Variants in COL4A1 observed in about 807,000 individuals in gnomAD.
The protein encoded by COL4A1 is collagen alpha-1(IV) chain.
COL4A1 carries 40 observed loss-of-function variants against 216.6 expected under a neutral mutation model. The observed-to-expected ratio is 0.18, with a 90% CI of 0.14 to 0.24. The LOEUF is 0.24. Ranked by LOEUF, COL4A1 falls within the 10% of genes least tolerant of loss-of-function variation. The pLI is 1.00. For missense variants in COL4A1, 1,628 were observed against 2,196.8 expected, an observed-to-expected ratio of 0.74 and a Z score of 5.18; for synonymous variants, 839 against 810.7, an observed-to-expected ratio of 1.03 and a Z score of -0.59.
At chr13:110,228,081 C>T (rs1239455079) in intron 2 of COL4A1, among the ~76,000 whole-genome samples, 1 of 152,194 alleles carries the variant, frequency 6.6e-6, no homozygotes, top group Non-Finnish European at 1.5e-5. Context: ...CAGGGACATA[C>T]ACGCGCCTTA....
At chr13:110,289,316 G>A (rs1343452424) in intron 1 of COL4A1, among the ~76,000 whole-genome samples, 2 of 152,130 alleles carry the variant, frequency 1.3e-5, no homozygotes, top group African/African-American at 2.4e-5. Context: ...CCACTGCCGC[G>A]ACCAAGAGGA....
chr13:110,250,152 C>T (rs1882007716), intron 1 of COL4A1, among the ~76,000 whole-genome samples: 1 of 148,380 alleles, frequency 6.7e-6, no homozygotes, highest in Non-Finnish European at 1.5e-5. Flanking sequence ...TTTAGAGTTA[C>T]ACAATATTTC....
At chr13:110,222,836 AT>A (rs1880569295) in intron 2 of COL4A1, among the ~76,000 whole-genome samples, 1 of 151,444 alleles carries the variant, frequency 6.6e-6, no homozygotes, top group Non-Finnish European at 1.5e-5. Context: ...TTGTAGTAAT[AT>A]ATTACTATTA....
chr13:110,201,367 G>A lies in COL4A1; in HGVS notation c.1084+71C>T, dbSNP rs776550703. On this transcript the variant is annotated intron_variant, in intron 19 of 51. Transcript: ENST00000375820. ...ACAGGAGGAGGAGGAGGAAGAGGAC[G>A]AGGAGGAGGAAGAGGAGGAGGAGAG... 3.5e-5 allele frequency: 37 copies of A among 1,060,370 alleles called. No homozygotes were observed. In the Admixed American group the frequency reaches 3.9e-4, roughly 11 times the overall value. 65.7% of individuals were successfully genotyped at this position (1,060,370 alleles called of 1,614,324 possible). A position where few individuals can be genotyped will look rare whatever the true frequency, so the allele number is the denominator to read the frequency against.
intron 1 of COL4A1, among the ~76,000 whole-genome samples, chr13:110,275,727 G>A (rs1883402677): frequency 6.6e-6 from 1 of 152,138 alleles, no homozygotes; most frequent in East Asian, 1.9e-4. Flanking sequence ...AAATAAATGA[G>A]CTATCAAGAC....
rs1158818898 is a variant in COL4A1 at position 110,268,085 on chromosome 13, GGAGGAAAGTTTGACA to G, written c.85-25366_85-25352del. ...ACAAAGCTCATGACATTTGACTCCA[GGAGGAAAGTTTGACA>G]GACTGCTGTTAAGCACCTACAGTAT... On this transcript the variant is annotated intron_variant, in intron 1 of 51. Coordinates refer to ENST00000375820, the MANE Select transcript of COL4A1 (RefSeq NM_001845.6). This position sits in a 1 kb window ranked among gnomAD's most constrained non-coding sequence, Gnocchi z 4.1. Among the ~76,000 whole-genome samples the G allele has an allele frequency of 6.6e-6, 1 of 152,162 alleles. No individual in the cohort carries two copies. The highest frequency in any genetic ancestry group is 6.5e-5 in the Admixed American group (1 of 15,286).
chr13:110,201,375 G>A (rs748300978), intron 19 of COL4A1, 63 bp downstream of exon 19: 2 of 1,195,980 alleles, frequency 1.7e-6, no homozygotes, highest in South Asian at 1.2e-5. Context: ...ACGAGGAGGA[G>A]GAAGAGGAGG....
At chr13:110,178,021 T>C in intron 32 of COL4A1, 43 bp downstream of exon 32, 3 of 1,614,142 alleles carry the variant, frequency 1.9e-6, no homozygotes, top group Non-Finnish European at 2.5e-6. Context: ...GTGAGGCCCA[T>C]GTCTTCATGA....
At chr13:110,185,149 TA>T (rs1246853175) in intron 26 of COL4A1, among the ~76,000 whole-genome samples, 2 of 152,148 alleles carry the variant, frequency 1.3e-5, no homozygotes, top group African/African-American at 4.8e-5. Context: ...TTTATTTATT[TA>T]TTTATTTATT....
chr13:110,244,722 C>A (rs1291731045), intron 1 of COL4A1, among the ~76,000 whole-genome samples: 1 of 152,138 alleles, frequency 6.6e-6, no homozygotes, highest in Non-Finnish European at 1.5e-5. Flanking sequence ...TGTGTCTCCC[C>A]GGTACACCCT....
chr13:110,264,747 C>T lies in COL4A1; in HGVS notation c.85-22013G>A, dbSNP rs1722961241. 3.3e-5 allele frequency among the ~76,000 whole-genome samples: 5 copies of T among 152,296 alleles called. 1 individual carries two copies. The South Asian group carries it at 1.0e-3, about 32-fold the overall frequency. The stretch of plus-strand genomic sequence containing the variant: ...CTCCTCCTTCCCCGTCTCTTTCTTT[C>T]TCCCTCTCTTTTTCTCCTCTTTCCT... On this transcript the variant is annotated intron_variant, in intron 1 of 51. Coordinates refer to ENST00000375820, the MANE Select transcript of COL4A1 (RefSeq NM_001845.6).
rs968106620 is a variant in COL4A1 at position 110,170,710 on chromosome 13, G to A, written c.3579C>T (p.Phe1193=). 3 of 1,614,098 alleles carry A rather than the reference G, an allele frequency of 1.9e-6. No individual in the cohort carries two copies. Among genetic ancestry groups the A allele is most frequent in the Non-Finnish European group, 2.5e-6 (3 of 1,180,054 alleles). Residue 1193 remains phenylalanine (F), a synonymous_variant, in exon 42 of 52, where the codon TTC becomes TTT. Coordinates refer to ENST00000375820, the MANE Select transcript of COL4A1 (RefSeq NM_001845.6). ...TTCCTGGGCTCCCGGCTAATCCTGG[G>A]AAACCCACCTCACCCTTTGAACCTG... ...GDKGSKGEVG[F]PGLAGSPGIP... is the part of the protein sequence containing the mutation.
intron 1 of COL4A1, among the ~76,000 whole-genome samples, chr13:110,288,809 A>G (rs4771661): frequency 1 from 151,805 of 151,984 alleles, 75,813 homozygotes; most frequent in Middle Eastern, 1. Context: ...TGAGGTGGGC[A>G]GATCACGAGG....
rs1477230882 is a variant in COL4A1 at position 110,211,739 on chromosome 13, T to C, written c.442-66A>G. The C allele has an allele frequency of 2.0e-5, 30 of 1,477,378 alleles. No individual in the cohort carries two copies. The highest frequency in any genetic ancestry group is 2.5e-5 in the Non-Finnish European group (27 of 1,075,882). The allele number at this position is 1,477,378 out of a possible 1,614,324, so 91.5% of individuals were successfully genotyped here. A position where few individuals can be genotyped will look rare whatever the true frequency, so the allele number is the denominator to read the frequency against. Reference sequence around the variant, plus strand: ...AATATCATTAGCATTAAAATTGTTATCATGTAATATTATATATAAAATATA... The same window carrying C: ...AATATCATTAGCATTAAAATTGTTACCATGTAATATTATATATAAAATATA... On this transcript the variant is annotated intron_variant, in intron 7 of 51. Transcript: ENST00000375820. This position sits in a 1 kb window ranked among gnomAD's most constrained non-coding sequence, Gnocchi z 4.3.
chr13:110,249,052 A>C (rs1431505403), intron 1 of COL4A1, among the ~76,000 whole-genome samples: 1 of 152,128 alleles, frequency 6.6e-6, no homozygotes, highest in Non-Finnish European at 1.5e-5. Flanking sequence ...CCCAGGGCCC[A>C]AGAATGCCCT....
chr13:110,219,688 A>G (rs201589714), intron 2 of COL4A1, among the ~76,000 whole-genome samples: 6 of 114,034 alleles, frequency 5.3e-5, no homozygotes, highest in Admixed American at 9.5e-5. Flanking sequence ...GTGTATATAT[A>G]TGTATATATA....
At chr13:110,185,888 C>T (rs938879152) in intron 26 of COL4A1, among the ~76,000 whole-genome samples, 7 of 152,174 alleles carry the variant, frequency 4.6e-5, no homozygotes, top group African/African-American at 1.2e-4. Context: ...TAGAGCTTGG[C>T]GCGTGATTCA....
intron 22 of COL4A1, among the ~76,000 whole-genome samples, chr13:110,194,819 C>T (rs1347963986): frequency 6.6e-6 from 1 of 152,180 alleles, no homozygotes; most frequent in East Asian, 1.9e-4. Context: ...ACTTTCAGGG[C>T]TGTCTCCACC....
chr13:110,222,199 C>T (rs2139219801), intron 2 of COL4A1, among the ~76,000 whole-genome samples: 1 of 152,248 alleles, frequency 6.6e-6, no homozygotes, highest in Admixed American at 6.5e-5. Flanking sequence ...CATTCACACC[C>T]TCCCCGGCGG....
Sources: allele counts gnomAD v4.1 joint callset (sites outside exome capture counted in the v4.1 genomes callset), GRCh38; gene constraint gnomAD v4.1.1; non-coding constraint Gnocchi (gnomAD v3.1); transcripts MANE v1.5; gene names NCBI Gene and HGNC (gene_info 2026-07-23, HGNC 2026-07-21).